Variants in ME1 observed in about 807,000 individuals in gnomAD.
ME1 encodes NADP-dependent malic enzyme.
A neutral mutation model predicts 66.4 loss-of-function variants in ME1; 74 were observed. The ratio of observed to expected loss-of-function variants is 1.11; its 90% confidence interval spans 0.92 to 1.35. ME1 has a LOEUF of 1.35. ME1 is among the 40% of genes most tolerant of loss of function. The pLI, the probability that ME1 is intolerant of heterozygous loss-of-function variation, is 0.00. For missense variants in ME1, 750 were observed against 694.1 expected, an observed-to-expected ratio of 1.08 and a Z score of -0.90; for synonymous variants, 251 against 235.6, an observed-to-expected ratio of 1.07 and a Z score of -0.60.
At chr6:83,212,604 C>T (rs1026824298) in intron 13 of ME1, among the ~76,000 whole-genome samples, 5 of 152,174 alleles carry the variant, frequency 3.3e-5, no homozygotes, top group African/African-American at 1.2e-4. Context: ...GTCATCACGC[C>T]CTGTGTTTCA....
At chr6:83,232,188 C>T (rs1470453411) in intron 9 of ME1, among the ~76,000 whole-genome samples, 8 of 152,142 alleles carry the variant, frequency 5.3e-5, no homozygotes, top group African/African-American at 1.9e-4. Flanking sequence ...GGACTACCTA[C>T]CCCCAATTTA....
chr6:83,344,650 G>A (rs1382008390), intron 5 of ME1, among the ~76,000 whole-genome samples: 2 of 152,042 alleles, frequency 1.3e-5, no homozygotes, highest in East Asian at 1.9e-4. Flanking sequence ...TTGGGAGGGC[G>A]AGGTGGACAG....
chr6:83,270,693 T>G (rs547893259), intron 6 of ME1, among the ~76,000 whole-genome samples: 10 of 152,334 alleles, frequency 6.6e-5, no homozygotes, highest in Non-Finnish European at 1.3e-4. Flanking sequence ...CATGCTTCTA[T>G]AAACTAATAA....
chr6:83,311,998 T>C (rs1767939719), intron 6 of ME1, among the ~76,000 whole-genome samples: 2 of 152,208 alleles, frequency 1.3e-5, no homozygotes, highest in South Asian at 4.1e-4. Context: ...CACAATCTCT[T>C]GCTCAGCTTC....
intron 6 of ME1, among the ~76,000 whole-genome samples, chr6:83,295,122 T>C (rs551279649): frequency 3.3e-5 from 5 of 152,192 alleles, no homozygotes; most frequent in Non-Finnish European, 7.3e-5. Context: ...TGCCACCTAC[T>C]GGATCACACC....
chr6:83,216,369 C>T (rs1272510011), intron 13 of ME1, 129 bp downstream of exon 13: 1 of 714,224 alleles, frequency 1.4e-6, no homozygotes, highest in East Asian at 2.6e-5. Context: ...TGCCTCATTT[C>T]TCTGACTTCT....
intron 7 of ME1, among the ~76,000 whole-genome samples, chr6:83,246,296 A>G (rs544616892): frequency 1.7e-3 from 266 of 152,306 alleles, no homozygotes; most frequent in African/African-American, 6.0e-3. Flanking sequence ...ATTCATAAAT[A>G]CATGCTCATT....
intron 1 of ME1, among the ~76,000 whole-genome samples, chr6:83,425,800 T>C (rs951667144): frequency 2.6e-5 from 4 of 152,260 alleles, no homozygotes; most frequent in Non-Finnish European, 5.9e-5. Flanking sequence ...AGGGTCTGTA[T>C]ATTAGTAGAA....
At chr6:83,362,965 G>A (rs375380833) in intron 3 of ME1, among the ~76,000 whole-genome samples, 11 of 152,210 alleles carry the variant, frequency 7.2e-5, no homozygotes, top group African/African-American at 2.4e-4. Context: ...ATGGTGAAAC[G>A]GCCTTTTGAA....
intron 6 of ME1, among the ~76,000 whole-genome samples, chr6:83,295,512 A>AT (rs1027708011): frequency 2.0e-4 from 30 of 150,290 alleles, no homozygotes; most frequent in Non-Finnish European, 3.3e-4. Context: ...CAATAAATCT[A>AT]TTTTTTTTTT....
rs543180459 is a variant in ME1 at position 83,420,717 on chromosome 6, T to TA, written c.78+10159dup. On this transcript the variant is annotated intron_variant, in intron 1 of 13. Coordinates refer to ENST00000369705, the MANE Select transcript of ME1 (RefSeq NM_002395.6). ...CAATATCTGCAAGGTAAAACAGTGT[T>TA]ACTTCAAGAATAATCCCTGATTCAT... Among the ~76,000 whole-genome samples the TA allele has an allele frequency of 2.2e-3, 341 of 152,308 alleles. 2 individuals are homozygous for TA. Among genetic ancestry groups the TA allele is most frequent in the African/African-American group, 8.0e-3 (331 of 41,568 alleles).
At chr6:83,371,529 C>G (rs1274812696) in intron 3 of ME1, among the ~76,000 whole-genome samples, 1 of 152,090 alleles carries the variant, frequency 6.6e-6, no homozygotes, top group Non-Finnish European at 1.5e-5. Flanking sequence ...CCGGGTTTTT[C>G]CTTTTCAGAG....
chr6:83,251,156 C>T (rs1341895509), intron 7 of ME1, among the ~76,000 whole-genome samples: 3 of 152,112 alleles, frequency 2.0e-5, no homozygotes, highest in African/African-American at 2.4e-5. Flanking sequence ...TCTCTGCCTT[C>T]GCAGAGCTTA....
chr6:83,340,800 C>T (rs1277383667), intron 5 of ME1, among the ~76,000 whole-genome samples: 1 of 151,904 alleles, frequency 6.6e-6, no homozygotes, highest in Non-Finnish European at 1.5e-5. Context: ...ACTATATTTC[C>T]TTAAAAGGTT....
chr6:83,276,748 T>C (rs1767189223), intron 6 of ME1, among the ~76,000 whole-genome samples: 1 of 152,174 alleles, frequency 6.6e-6, no homozygotes, highest in Non-Finnish European at 1.5e-5. Flanking sequence ...ATAACCAACA[T>C]TAAGAAGTTT....
intron 6 of ME1, among the ~76,000 whole-genome samples, chr6:83,268,424 G>A (rs1022521924): frequency 1.3e-5 from 2 of 152,022 alleles, no homozygotes; most frequent in East Asian, 1.9e-4. Flanking sequence ...GGTAAGTTCC[G>A]ATAAATGTAT....
chr6:83,427,439 T>TA (rs1433638192), intron 1 of ME1, among the ~76,000 whole-genome samples: 1 of 152,170 alleles, frequency 6.6e-6, no homozygotes, highest in Non-Finnish European at 1.5e-5. Flanking sequence ...TTATCAAGCT[T>TA]AAACCACATT....
intron 5 of ME1, among the ~76,000 whole-genome samples, chr6:83,341,590 T>A (rs190755401): frequency 1.3e-5 from 2 of 152,336 alleles, no homozygotes; most frequent in African/African-American, 2.4e-5. Flanking sequence ...TTTACTAGTA[T>A]ACATTTTTAC....
chr6:83,220,436 G>A (rs1790070530), intron 12 of ME1, among the ~76,000 whole-genome samples: 2 of 152,198 alleles, frequency 1.3e-5, no homozygotes, highest in African/African-American at 4.8e-5. Flanking sequence ...CAGAGGTCCA[G>A]AAGACTGTCT....
Sources: allele counts gnomAD v4.1 joint callset (sites outside exome capture counted in the v4.1 genomes callset), GRCh38; gene constraint gnomAD v4.1.1; transcripts MANE v1.5; gene names NCBI Gene and HGNC (gene_info 2026-07-23, HGNC 2026-07-21).